Variants in GYS2 observed in about 807,000 individuals in gnomAD.
GYS2 encodes the protein glycogen [starch] synthase, liver.
GYS2 carries 80 observed loss-of-function variants against 85.6 expected under a neutral mutation model. The ratio of observed to expected loss-of-function variants is 0.93; its 90% CI spans 0.78 to 1.13. GYS2 has a LOEUF of 1.13. GYS2 is among the 50% of genes most tolerant of loss of function. GYS2 has a pLI of 0.00. For missense variants in GYS2, 881 were observed against 854.9 expected (o/e 1.03, Z -0.38); for synonymous variants, 328 against 300.7 (o/e 1.09, Z -0.94).
chr12:21,576,219 C>T (rs1354296582), intron 2 of GYS2, among the ~76,000 whole-genome samples, 162 bp from the exon 3 acceptor site: 1 of 152,186 alleles, frequency 6.6e-6, no homozygotes, highest in Non-Finnish European at 1.5e-5. Context: ...CTGTTTGAGC[C>T]TCAAGCTGGA....
chr12:21,563,884 GT>G (rs1257673661), intron 5 of GYS2, among the ~76,000 whole-genome samples: 4 of 152,150 alleles, frequency 2.6e-5, no homozygotes, highest in Non-Finnish European at 5.9e-5. Flanking sequence ...CTGCCATCTT[GT>G]TTTCCACAAG....
rs758245117 is a variant in GYS2, at chr12:21,537,064, A to G, written c.2002T>C (p.Tyr668His). 1.2e-6 allele frequency: 2 copies of G among 1,613,782 alleles called. No homozygotes were observed. Among genetic ancestry groups the G allele is most frequent in the Admixed American group, 1.7e-5 (1 of 59,994 alleles). ...CTTTCAGCCTCCTCTTCCTCATCGTATCTCTCATCCTCCACTTCATCTTCC... is the reference window on the plus strand; with the variant it reads ...CTTTCAGCCTCCTCTTCCTCATCGTGTCTCTCATCCTCCACTTCATCTTCC... The part of the protein sequence containing the change: ...DVEDEVEDER[Y>H]DEEEEAERDR... The change falls in exon 16 of 16, where the codon TAC becomes CAC. Residue 668 changes from tyrosine (Y) to histidine (H), a missense_variant. Tyr to His is a moderately conservative substitution (Grantham distance 83). Coordinates refer to ENST00000261195, the MANE Select transcript of GYS2 (RefSeq NM_021957.4).
At chr12:21,557,369 T>C (rs2136870215) in intron 11 of GYS2, among the ~76,000 whole-genome samples, 1 of 152,332 alleles carries the variant, frequency 6.6e-6, no homozygotes, top group Middle Eastern at 3.4e-3. Context: ...CTTATTCATA[T>C]AAATGCCCTC....
intron 12 of GYS2, among the ~76,000 whole-genome samples, chr12:21,542,901 C>G (rs1419517883): frequency 6.6e-6 from 1 of 152,210 alleles, no homozygotes; most frequent in Non-Finnish European, 1.5e-5. Context: ...GGCTGCAGAA[C>G]CCTTGTGCGG....
rs1289988626 is a variant in GYS2, at chr12:21,568,850, A to G, written c.823+15T>C. Reference sequence around the variant, plus strand: ...TTCGGAACTGAAAGATAGGTGATCCAGGGATAATAATTACCAGGCTTTCTC... The same window carrying G: ...TTCGGAACTGAAAGATAGGTGATCCGGGGATAATAATTACCAGGCTTTCTC... On this transcript the variant is annotated intron_variant, in intron 5 of 15. Transcript: ENST00000261195. 6.2e-7 allele frequency: 1 copy of G among 1,605,624 alleles called. No homozygotes were observed. Among genetic ancestry groups the G allele is most frequent in the Non-Finnish European group, 8.5e-7 (1 of 1,172,234 alleles).
chr12:21,547,161 G>A (rs2136851781), intron 11 of GYS2, among the ~76,000 whole-genome samples: 1 of 152,274 alleles, frequency 6.6e-6, no homozygotes, highest in African/African-American at 2.4e-5. Context: ...AAAAGCCAAA[G>A]TGTTTACCAT....
At chr12:21,564,843 C>T (rs747542059) in intron 5 of GYS2, among the ~76,000 whole-genome samples, 9 of 152,112 alleles carry the variant, frequency 5.9e-5, no homozygotes, top group South Asian at 2.1e-4. Context: ...TTACAAATAA[C>T]GAAACTGGCC....
intron 1 of GYS2, among the ~76,000 whole-genome samples, chr12:21,585,746 T>C (rs921086399): frequency 1.4e-4 from 21 of 152,226 alleles, no homozygotes; most frequent in African/African-American, 4.8e-4. Flanking sequence ...TTCGTGTCTG[T>C]ATACACTTGT....
chr12:21,554,551 G>T (rs1944154348), intron 11 of GYS2, among the ~76,000 whole-genome samples: 1 of 112,586 alleles, frequency 8.9e-6, no homozygotes, highest in African/African-American at 3.0e-5. Flanking sequence ...CTAGAAAAAT[G>T]GACACATAAC....
intron 11 of GYS2, among the ~76,000 whole-genome samples, chr12:21,556,820 C>T (rs749652431): frequency 3.8e-4 from 58 of 152,278 alleles, no homozygotes; most frequent in Admixed American, 4.6e-4. Context: ...TACATGCAAC[C>T]GTCTCTCCCA....
chr12:21,592,059 G>A lies in GYS2; in HGVS notation c.122-11536C>T, dbSNP rs1041669200. Among the ~76,000 whole-genome samples, 4 of 151,452 alleles carry A rather than the reference G, an allele frequency of 2.6e-5. No individual in the cohort carries two copies. The East Asian group carries it at 7.8e-4, about 29-fold the overall frequency. On this transcript the variant is annotated intron_variant, in intron 1 of 15. Transcript: ENST00000261195. ...ACACACAAAGGTATACAACTAACTG[G>A]TAGAGCAAAACACAAATAAAGAAGA...
intron 1 of GYS2, among the ~76,000 whole-genome samples, chr12:21,601,391 A>G (rs960329267): frequency 1.6e-4 from 25 of 152,010 alleles, no homozygotes; most frequent in African/African-American, 6.0e-4. Flanking sequence ...TAAGGCTATT[A>G]ACTCCCCCTG....
At chr12:21,553,428 G>T (rs1277707078) in intron 11 of GYS2, among the ~76,000 whole-genome samples, 1 of 152,192 alleles carries the variant, frequency 6.6e-6, no homozygotes, top group East Asian at 1.9e-4. Flanking sequence ...AGAGATCTTA[G>T]CCCCAGGAAT....
downstream of GYS2, chr12:21,534,840 A>T (rs34808380): frequency 0.68 from 103,756 of 152,062 alleles, 36,604 homozygotes; most frequent in East Asian, 0.78. Flanking sequence ...ATTTATGAAT[A>T]CATACATTCT....
chr12:21,580,418 GT>G lies in GYS2; in HGVS notation c.226del (p.Thr76LeufsTer9). ...IGPYFEHNMK[T>X]QVEQCEPVND... ...TACAGGTTCACACTGTTCCACCTGAGTCTTCATATTATGCTCAAAATATGGA... is the reference window on the plus strand; with the variant it reads ...TACAGGTTCACACTGTTCCACCTGAGCTTCATATTATGCTCAAAATATGGA... On this transcript the variant is annotated frameshift_variant, in exon 2 of 16. Transcript: ENST00000261195. LOFTEE classifies it high-confidence loss of function. 1 of 1,613,386 alleles carries G rather than the reference GT, an allele frequency of 6.2e-7. No individual in the cohort carries two copies. The highest frequency in any genetic ancestry group is 8.5e-7 in the Non-Finnish European group (1 of 1,179,406).
At chr12:21,533,746 G>A (rs1943885815), downstream of GYS2, among the ~76,000 whole-genome samples, 1 of 152,148 alleles carries the variant, frequency 6.6e-6, no homozygotes, top group Non-Finnish European at 1.5e-5. Flanking sequence ...CTCTTACTAT[G>A]GAAGAGACAG....
At chr12:21,576,694 A>G (rs1325908990) in intron 2 of GYS2, among the ~76,000 whole-genome samples, 2 of 152,156 alleles carry the variant, frequency 1.3e-5, no homozygotes, top group African/African-American at 4.8e-5. Context: ...GTTGATTCCT[A>G]AATGTTTTAT....
rs141721723 is a variant in GYS2, at chr12:21,559,103, G to T, written c.1296C>A (p.Ile432=). The change falls in exon 10 of 16, where the codon ATC becomes ATA. Residue 432 remains isoleucine, a synonymous_variant. Coordinates refer to ENST00000261195, the MANE Select transcript of GYS2 (RefSeq NM_021957.4). ...TTTTCCTTATTACCTGAGTTGAAAA[G>T]ATGGCTCTTTTCATAATTGTTAGAT... is the stretch of plus-strand genomic sequence containing the variant. ...RDDLTIMKRA[I]FSTQRQSLPP... is the part of the protein sequence containing the mutation. 17 of 1,598,650 alleles carry T rather than the reference G, an allele frequency of 1.1e-5. No homozygotes were observed. In the African/African-American group the frequency reaches 2.1e-4, roughly 20 times the overall value.
intron 14 of GYS2, among the ~76,000 whole-genome samples, chr12:21,540,174 A>C (rs1461746759): frequency 1.3e-5 from 2 of 152,246 alleles, no homozygotes; most frequent in Admixed American, 6.5e-5. Context: ...TGGAATAGCT[A>C]GTAAGATCAG....
Sources: gnomAD v4.1 joint callset for allele counts (sites outside exome capture counted in the v4.1 genomes callset) on GRCh38, gnomAD v4.1.1 for gene constraint, MANE v1.5 for transcripts, NCBI Gene and HGNC (gene_info 2026-07-23, HGNC 2026-07-21) for gene names.